The following MED12L variants were observed in gnomAD, a reference collection of about 807,000 sequenced individuals.
MED12L encodes the protein mediator complex subunit 12L, also known as mediator of RNA polymerase II transcription subunit 12-like protein.
In MED12L, 60 loss-of-function variants were observed where a neutral mutation model predicts 281.3. That is an observed-to-expected ratio of 0.21 (90% confidence interval 0.17 to 0.26). The LOEUF (loss-of-function observed/expected upper bound fraction) is 0.26, where lower values mean the gene tolerates loss of function less well. Ranked by LOEUF, MED12L falls within the 10% of genes least tolerant of loss-of-function variation. The pLI is 1.00. For missense variants in MED12L, 2,146 were observed against 2,680.9 expected (o/e 0.80, Z 4.41); for synonymous variants, 974 against 987.2 (o/e 0.99, Z 0.25).
chr3:151,191,007 A>C (rs780764992), intron 14 of MED12L, 76 bp downstream of exon 14: 3 of 1,295,808 alleles, frequency 2.3e-6, no homozygotes, highest in Admixed American at 3.7e-5. Context: ...TGGGTCATGT[A>C]GTGGTAGAAG....
At chr3:151,402,282 T>C (rs560362676) in intron 39 of MED12L, among the ~76,000 whole-genome samples, 2 of 152,280 alleles carry the variant, frequency 1.3e-5, no homozygotes, top group African/African-American at 4.8e-5. Flanking sequence ...ATATAAATGA[T>C]TTAGAAAGGG....
rs371893950 is a variant in MED12L at position 151,283,949 on chromosome 3, G to T, written c.2251-66110G>T. The stretch of plus-strand genomic sequence containing the variant: ...GGACAGGTAACTAAGAGGATGACAC[G>T]CCGCTTTATCAGACAGTTTATTTAC... On this transcript the variant is annotated intron_variant, in intron 16 of 44. Coordinates refer to ENST00000687756, the MANE Select transcript of MED12L (RefSeq NM_001393769.1). Among the ~76,000 whole-genome samples the T allele has an allele frequency of 1.7e-3, 261 of 152,260 alleles. 1 individual carries two copies. The highest frequency in any genetic ancestry group is 6.1e-3 in the African/African-American group (253 of 41,542).
chr3:151,198,344 T>G (rs1186961122), intron 16 of MED12L: 15 of 913,042 alleles, frequency 1.6e-5, no homozygotes, highest in South Asian at 2.8e-5. Context: ...TTTTTTTTGT[T>G]TTTTTTTTTT....
At chr3:151,421,536 A>G (rs537983420) in intron 43 of MED12L, among the ~76,000 whole-genome samples, 77 of 151,932 alleles carry the variant, frequency 5.1e-4, no homozygotes, top group African/African-American at 1.4e-3. Flanking sequence ...TCAGCCTCCC[A>G]AGAAGCTGGG....
intron 36 of MED12L, among the ~76,000 whole-genome samples, chr3:151,387,350 G>A (rs1489013615): frequency 6.6e-6 from 1 of 152,132 alleles, no homozygotes; most frequent in African/African-American, 2.4e-5. Flanking sequence ...AGTTCATGCA[G>A]ATTTGGATTG....
intron 16 of MED12L, among the ~76,000 whole-genome samples, chr3:151,265,134 T>A (rs1400255464): frequency 1.3e-5 from 2 of 152,206 alleles, no homozygotes; most frequent in African/African-American, 4.8e-5. Flanking sequence ...ATGCTGTGTG[T>A]CGCCAGCACC....
chr3:151,428,207 C>T (rs1012154758), intron 43 of MED12L, among the ~76,000 whole-genome samples: 1 of 152,186 alleles, frequency 6.6e-6, no homozygotes, highest in Non-Finnish European at 1.5e-5. Context: ...AGGACAGTTA[C>T]AGCTAAGTCA....
chr3:151,104,578 T>C (rs1449443283), intron 2 of MED12L, among the ~76,000 whole-genome samples: 1 of 152,180 alleles, frequency 6.6e-6, no homozygotes, highest in Non-Finnish European at 1.5e-5. Context: ...GCCTGGATCC[T>C]GGTTTTAGGG....
At chr3:151,288,216 T>C (rs1213932832) in intron 16 of MED12L, among the ~76,000 whole-genome samples, 1 of 152,236 alleles carries the variant, frequency 6.6e-6, no homozygotes, top group East Asian at 1.9e-4. Context: ...GCATGCAAAG[T>C]ATGAGGCACA....
chr3:151,308,026 C>T (rs915024938), intron 16 of MED12L, among the ~76,000 whole-genome samples: 4 of 152,186 alleles, frequency 2.6e-5, no homozygotes, highest in South Asian at 2.1e-4. Context: ...AAATACCTGA[C>T]GTACTTCCCA....
chr3:151,102,992 C>G (rs936517052), intron 2 of MED12L, among the ~76,000 whole-genome samples: 4 of 152,162 alleles, frequency 2.6e-5, no homozygotes, highest in African/African-American at 4.8e-5. Context: ...TCTCTGCCCT[C>G]AGATCACCTA....
chr3:151,150,547 A>T (rs1718319992), intron 5 of MED12L, among the ~76,000 whole-genome samples: 1 of 152,226 alleles, frequency 6.6e-6, no homozygotes, highest in African/African-American at 2.4e-5. Flanking sequence ...TAGGTTAGTC[A>T]TCAGCCATAT....
intron 16 of MED12L, among the ~76,000 whole-genome samples, chr3:151,265,776 T>C (rs1164789845): frequency 6.6e-6 from 1 of 152,154 alleles, no homozygotes; most frequent in Non-Finnish European, 1.5e-5. Flanking sequence ...TTCTGTCTTA[T>C]GTATTGGTAA....
intron 5 of MED12L, among the ~76,000 whole-genome samples, chr3:151,150,849 C>A (rs866354296): frequency 6.6e-6 from 1 of 152,278 alleles, no homozygotes; most frequent in Middle Eastern, 3.4e-3. Flanking sequence ...GACTTTTCTT[C>A]TGTAGCTTCC....
chr3:151,168,742 G>T (rs1204999367), intron 11 of MED12L, among the ~76,000 whole-genome samples: 1 of 152,206 alleles, frequency 6.6e-6, no homozygotes, highest in East Asian at 1.9e-4. Context: ...GTCTCAGTCT[G>T]TTGCCCAGGC....
chr3:151,105,620 C>T (rs566643450), intron 2 of MED12L, among the ~76,000 whole-genome samples: 1 of 152,192 alleles, frequency 6.6e-6, no homozygotes, highest in Non-Finnish European at 1.5e-5. Flanking sequence ...CCTCCTCTAA[C>T]TGGCTATTAA....
chr3:151,114,624 T>G (rs748555143), intron 2 of MED12L, among the ~76,000 whole-genome samples: 9 of 152,200 alleles, frequency 5.9e-5, no homozygotes, highest in Non-Finnish European at 1.0e-4. Context: ...GATTATTTCT[T>G]GGCTTGGAGT....
chr3:151,348,038 T>C (rs189236646), intron 16 of MED12L, among the ~76,000 whole-genome samples: 4 of 152,184 alleles, frequency 2.6e-5, no homozygotes, highest in Admixed American at 2.6e-4. Flanking sequence ...CTTCTAGGTC[T>C]GTAAATACTA....
At chr3:151,120,309 A>C (rs1436171640) in intron 3 of MED12L, among the ~76,000 whole-genome samples, 1 of 152,170 alleles carries the variant, frequency 6.6e-6, no homozygotes, top group African/African-American at 2.4e-5. Flanking sequence ...ACAACTCTAT[A>C]AACCTTTTAG....
Sources: allele counts gnomAD v4.1 joint callset (sites outside exome capture counted in the v4.1 genomes callset), GRCh38; gene constraint gnomAD v4.1.1; transcripts MANE v1.5; gene names NCBI Gene and HGNC (gene_info 2026-07-23, HGNC 2026-07-21).